Variants in KCNQ3 observed in about 807,000 individuals in gnomAD.
KCNQ3 encodes potassium voltage-gated channel subfamily Q member 3, also known as potassium voltage-gated channel subfamily KQT member 3.
KCNQ3 carries 30 observed loss-of-function variants against 92.5 expected under a neutral mutation model. The ratio of observed to expected loss-of-function variants is 0.32; its 90% CI spans 0.24 to 0.44. The LOEUF is 0.44. Ranked by LOEUF, KCNQ3 falls within the 20% of genes least tolerant of loss-of-function variation. The pLI is 1.00. For missense variants in KCNQ3, 913 were observed against 1,140.3 expected, an observed-to-expected ratio of 0.80 and a Z score of 2.87; for synonymous variants, 450 against 468.8, an observed-to-expected ratio of 0.96 and a Z score of 0.52.
chr8:132,122,560 A>G lies in KCNQ3; in HGVS notation c.*6702T>C, dbSNP rs1351417118. On this transcript the variant is annotated 3_prime_UTR_variant, in exon 15 of 15. Coordinates refer to ENST00000388996, the MANE Select transcript of KCNQ3 (RefSeq NM_004519.4). ...TTTGGCGGTGTCAAAGAAATTCATT[A>G]TTTCCCTTGAAGCTTATTTTAAGCC... 1 of 152,170 alleles carries G rather than the reference A, an allele frequency of 6.6e-6. No homozygotes were observed. Among genetic ancestry groups the G allele is most frequent in the Non-Finnish European group, 1.5e-5 (1 of 68,022 alleles). The allele number at this position is 152,170 out of a possible 1,614,324, so 9.4% of individuals were successfully genotyped here. A position where few individuals can be genotyped will look rare whatever the true frequency, so the allele number is the denominator to read the frequency against.
At chr8:132,201,646 C>T (rs1200080386) in intron 1 of KCNQ3, among the ~76,000 whole-genome samples, 1 of 152,200 alleles carries the variant, frequency 6.6e-6, no homozygotes, top group Admixed American at 6.5e-5. Context: ...TCTTTCCCTC[C>T]ATATGCCGCC....
rs1009435774 is a variant in KCNQ3 at position 132,128,910 on chromosome 8, C to T, written c.*352G>A. 1 of 255,638 alleles carries T rather than the reference C, an allele frequency of 3.9e-6. No individual in the cohort carries two copies. Among genetic ancestry groups the T allele is most frequent in the Non-Finnish European group, 7.6e-6 (1 of 132,310 alleles). The allele number at this position is 255,638 out of a possible 1,614,324, so 15.8% of individuals were successfully genotyped here. On this transcript the variant is annotated 3_prime_UTR_variant, in exon 15 of 15. Coordinates refer to ENST00000388996, the MANE Select transcript of KCNQ3 (RefSeq NM_004519.4). ...TTTCTCTGCTTACCAAACCAAAACC[C>T]AAACCAGCCAACCAAACAGACAAAT...
chr8:132,394,611 G>A (rs1255556629), intron 1 of KCNQ3, among the ~76,000 whole-genome samples: 1 of 152,096 alleles, frequency 6.6e-6, no homozygotes, highest in East Asian at 1.9e-4. Context: ...AGAGATCTAC[G>A]AGTGAAAGTG....
intron 1 of KCNQ3, among the ~76,000 whole-genome samples, chr8:132,463,809 A>G (rs1822112161): frequency 6.6e-6 from 1 of 152,232 alleles, no homozygotes; most frequent in African/African-American, 2.4e-5. Flanking sequence ...ATTCAGTGAC[A>G]TCATTTTTTC....
intron 7 of KCNQ3, among the ~76,000 whole-genome samples, chr8:132,170,815 C>T (rs571659862): frequency 1.4e-5 from 2 of 147,784 alleles, no homozygotes; most frequent in East Asian, 4.0e-4. Context: ...AGTTGGAGAC[C>T]AGCCTGGGCA....
intron 1 of KCNQ3, among the ~76,000 whole-genome samples, chr8:132,398,123 A>G (rs1364595417): frequency 6.6e-6 from 1 of 152,194 alleles, no homozygotes; most frequent in Non-Finnish European, 1.5e-5. Context: ...TTTTTAAATC[A>G]TCAAGTTTTT....
At chr8:132,464,412 A>G (rs925594168) in intron 1 of KCNQ3, among the ~76,000 whole-genome samples, 3 of 152,226 alleles carry the variant, frequency 2.0e-5, no homozygotes, top group African/African-American at 4.8e-5. Flanking sequence ...AAGACTTTGT[A>G]TCCAGAGTGT....
At chr8:132,161,759 T>G (rs7007544) in intron 9 of KCNQ3, among the ~76,000 whole-genome samples, 27,907 of 152,142 alleles carry the variant, frequency 0.18, 3,057 homozygotes, top group African/African-American at 0.28. Context: ...ATGCATACCA[T>G]CAAGTGTGAC....
intron 1 of KCNQ3, among the ~76,000 whole-genome samples, chr8:132,278,668 T>C (rs1322687201): frequency 6.6e-6 from 1 of 152,216 alleles, no homozygotes; most frequent in Non-Finnish European, 1.5e-5. Flanking sequence ...TCAGCATCCC[T>C]GGAGGTGTGG....
At chr8:132,393,729 C>T (rs1478635243) in intron 1 of KCNQ3, among the ~76,000 whole-genome samples, 1 of 152,142 alleles carries the variant, frequency 6.6e-6, no homozygotes, top group Non-Finnish European at 1.5e-5. Context: ...TGTTATTCCT[C>T]ATTTAGAGGT....
intron 1 of KCNQ3, among the ~76,000 whole-genome samples, chr8:132,389,035 A>C (rs745349792): frequency 2.6e-4 from 39 of 152,228 alleles, no homozygotes; most frequent in Non-Finnish European, 4.3e-4. Flanking sequence ...CATATACAAA[A>C]ATAAATTCCA....
intron 1 of KCNQ3, among the ~76,000 whole-genome samples, chr8:132,387,559 C>T (rs947884857): frequency 5.3e-5 from 8 of 152,090 alleles, no homozygotes; most frequent in African/African-American, 1.7e-4. Context: ...AGATTTTATA[C>T]ATAAAAATGT....
intron 1 of KCNQ3, among the ~76,000 whole-genome samples, chr8:132,301,144 G>A (rs78996129): frequency 6.6e-6 from 1 of 152,038 alleles, no homozygotes; most frequent in African/African-American, 2.4e-5. Context: ...TCTGTTCTGT[G>A]GCAGGTAAAC....
intron 1 of KCNQ3, among the ~76,000 whole-genome samples, chr8:132,465,865 T>C (rs929042660): frequency 6.6e-6 from 1 of 152,144 alleles, no homozygotes; most frequent in African/African-American, 2.4e-5. Context: ...TGGGCCATGA[T>C]TGCACCACTG....
intron 1 of KCNQ3, among the ~76,000 whole-genome samples, chr8:132,402,881 G>A (rs1456132329): frequency 2.6e-5 from 4 of 151,634 alleles, no homozygotes; most frequent in African/African-American, 9.7e-5. Context: ...CCGGGGCGTG[G>A]CAGTGCATGC....
intron 6 of KCNQ3, among the ~76,000 whole-genome samples, chr8:132,173,764 A>G (rs1327782499): frequency 6.6e-6 from 1 of 152,226 alleles, no homozygotes; most frequent in African/African-American, 2.4e-5. Context: ...GTCAAGGCTT[A>G]TTCTTGAGAG....
chr8:132,136,111 TC>T, intron 12 of KCNQ3, among the ~76,000 whole-genome samples: 1 of 86,340 alleles, frequency 1.2e-5, no homozygotes, highest in African/African-American at 5.2e-5. Flanking sequence ...AGAGTGAGAC[TC>T]CATCTCAAAA....
chr8:132,476,292 C>T (rs1822410269), intron 1 of KCNQ3, among the ~76,000 whole-genome samples: 2 of 152,238 alleles, frequency 1.3e-5, no homozygotes, highest in Admixed American at 6.5e-5. Flanking sequence ...CCCAATGGGA[C>T]ACTGCCTAGT....
rs1237612113 is a variant in KCNQ3, at chr8:132,447,155, G to A, written c.386+32992C>T. On this transcript the variant is annotated intron_variant, in intron 1 of 14. Transcript: ENST00000388996. ...CCCCTGGGACTCTGAGTCCATCTTA[G>A]GATGCTCTGTTTTCATATCCCCAAA... is the stretch of plus-strand genomic sequence containing the variant. The A allele has an allele frequency of 6.1e-6, 9 of 1,485,000 alleles. No individual in the cohort carries two copies. In the South Asian group the frequency reaches 9.6e-5, roughly 16 times the overall value. The allele number at this position is 1,485,000 out of a possible 1,614,324, so 92.0% of individuals were successfully genotyped here.
Sources: gnomAD v4.1 joint callset for allele counts (sites outside exome capture counted in the v4.1 genomes callset) on GRCh38, gnomAD v4.1.1 for gene constraint, MANE v1.5 for transcripts, NCBI Gene and HGNC (gene_info 2026-07-23, HGNC 2026-07-21) for gene names.